Variants in TUBGCP6 observed in about 807,000 individuals in gnomAD.
TUBGCP6 encodes tubulin gamma complex component 6.
TUBGCP6 carries 161 observed loss-of-function variants against 175.8 expected under a neutral mutation model. That is an observed-to-expected ratio of 0.92 (90% confidence interval 0.81 to 1.04). The LOEUF is 1.04. TUBGCP6 is among the 50% of genes least tolerant of loss of function. The pLI, the probability that TUBGCP6 is intolerant of heterozygous loss-of-function variation, is 0.00. For missense variants in TUBGCP6, 2,572 were observed against 2,433.0 expected (o/e 1.06, Z -1.20); for synonymous variants, 1,173 against 1,030.5 (o/e 1.14, Z -2.65).
chr22:50,238,695 G>A (rs1055891763), intron 2 of TUBGCP6, among the ~76,000 whole-genome samples: 2 of 151,748 alleles, frequency 1.3e-5, no homozygotes, highest in South Asian at 4.2e-4. Flanking sequence ...CCGCCACCAC[G>A]CCTGGCTAAT....
chr22:50,225,964 A>G, intron 9 of TUBGCP6, 21 bp from the exon 10 acceptor site: 2 of 1,613,184 alleles, frequency 1.2e-6, no homozygotes, highest in Non-Finnish European at 1.7e-6. Context: ...GGATGCAAGC[A>G]CAGCCACCAG....
At chr22:50,236,424 T>C (rs577346595) in intron 2 of TUBGCP6, among the ~76,000 whole-genome samples, 1 of 152,324 alleles carries the variant, frequency 6.6e-6, no homozygotes, top group Admixed American at 6.5e-5. Flanking sequence ...CGTGAGCCAC[T>C]GCACCTGGCT....
In TUBGCP6 at chr22:50,222,087, C is replaced by T. The variant is rs770840511; in HGVS notation, c.2425G>A (p.Val809Met). 6.2e-7 allele frequency: 1 copy of T among 1,613,770 alleles called. No homozygotes were observed. Among genetic ancestry groups the T allele is most frequent in the Admixed American group, 1.7e-5 (1 of 60,020 alleles). The change falls in exon 15 of 25, where the codon GTG becomes ATG. Residue 809 changes from valine to methionine, a missense_variant. By Grantham distance (21) the Val-to-Met change is conservative. Coordinates refer to ENST00000248846, the MANE Select transcript of TUBGCP6 (RefSeq NM_020461.4). ...TCCTGGGGCTGGTGAGCCTCAGACA[C>T]TGCTTTCAGCATCTCCTGAAATTCA... ...EKHIQEMLKAVSEAHQPQEPP... is the reference protein window; with the variant it reads ...EKHIQEMLKAMSEAHQPQEPP...
At chr22:50,226,894 GT>G (rs2064620195) in intron 6 of TUBGCP6, 52 bp from the exon 7 acceptor site, 3 of 1,536,670 alleles carry the variant, frequency 2.0e-6, no homozygotes, top group Admixed American at 3.9e-5. Flanking sequence ...AGCGCTGGGA[GT>G]GAGGCGCAGC....
intron 13 of TUBGCP6, chr22:50,223,474 G>C (rs1002959438): frequency 6.5e-6 from 1 of 153,544 alleles, no homozygotes; most frequent in African/African-American, 2.4e-5. Context: ...CGCAGATGCT[G>C]TGCTGGACAA....
At chr22:50,238,155 GAGACAGAC>G (rs879569180) in intron 2 of TUBGCP6, among the ~76,000 whole-genome samples, 1 of 149,732 alleles carries the variant, frequency 6.7e-6, no homozygotes, top group Non-Finnish European at 1.5e-5. Context: ...GAGAGAGAGA[GAGACAGAC>G]AGACAGACTT....
At position 50,224,252 on chromosome 22, in the gene TUBGCP6, C is replaced by A. The variant is rs533130736; in HGVS notation, c.2159G>T (p.Arg720Leu). The change falls in exon 13 of 25, where the codon CGC becomes CTC. Residue 720 changes from arginine (R) to leucine (L), a missense_variant. Arg to Leu is a moderately radical substitution (Grantham distance 102). Transcript: ENST00000248846. ...KEQFVKDQER[R>L]QAARQEELDD... ...CAGCTCCTCCTGCCTGGCCGCCTGG[C>A]GTCGCTATAAAACACATAGAGCCTG... The A allele has an allele frequency of 6.2e-7, 1 of 1,614,114 alleles. No homozygotes were observed. The highest frequency in any genetic ancestry group is 1.1e-5 in the South Asian group (1 of 91,080).
At chr22:50,220,180 C>A (rs1461832157) in intron 16 of TUBGCP6, 71 bp downstream of exon 16, 3 of 1,549,200 alleles carry the variant, frequency 1.9e-6, no homozygotes, top group Non-Finnish European at 8.8e-7. Context: ...ACCAACCCCA[C>A]TGCCCGCCTA....
At chr22:50,231,213 G>A (rs77256613) in intron 3 of TUBGCP6, among the ~76,000 whole-genome samples, 3 of 151,990 alleles carry the variant, frequency 2.0e-5, no homozygotes, top group Admixed American at 2.0e-4. Flanking sequence ...AACACTTTGG[G>A]AGGCCAAGGT....
chr22:50,233,572 G>C (rs2064722003), intron 2 of TUBGCP6, 46 bp from the exon 3 acceptor site: 1 of 1,530,190 alleles, frequency 6.5e-7, no homozygotes, highest in Non-Finnish European at 8.9e-7. Context: ...GTGGTGACCT[G>C]CACCTCAGCA....
intron 2 of TUBGCP6, among the ~76,000 whole-genome samples, chr22:50,236,011 T>C (rs1049357007): frequency 6.6e-6 from 1 of 151,914 alleles, no homozygotes; most frequent in Non-Finnish European, 1.5e-5. Context: ...GCAGACTTGC[T>C]GTGCAGCAGT....
intron 2 of TUBGCP6, among the ~76,000 whole-genome samples, chr22:50,238,224 T>C (rs2064799885): frequency 6.6e-6 from 1 of 151,854 alleles, no homozygotes; most frequent in South Asian, 2.1e-4. Context: ...AGGAGTTGCC[T>C]AATTATGGTG....
In TUBGCP6 at chr22:50,220,539, G is replaced by A. The variant is rs200372449; in HGVS notation, c.3820C>T (p.Pro1274Ser). Reference protein sequence around the residue: ...PRWNTHVPIPPPHMVLGALSP... With the variant: ...PRWNTHVPIPSPHMVLGALSP... ...AGAGCCCCCAGCACCATGTGGGGCG[G>A]AGGGATGGGTACATGGGTGTTCCAC... The change falls in exon 16 of 25, where the codon CCG (proline) becomes TCG (serine). Residue 1274 changes from proline (P) to serine (S), a missense_variant. Pro to Ser is a moderately conservative substitution (Grantham distance 74, BLOSUM62 -1). Transcript: ENST00000248846. 12 of 1,613,440 alleles carry A rather than the reference G, an allele frequency of 7.4e-6. No individual in the cohort carries two copies. Among genetic ancestry groups the A allele is most frequent in the Non-Finnish European group, 1.0e-5 (12 of 1,180,018 alleles).
chr22:50,230,693 A>G (rs920782639), intron 3 of TUBGCP6, among the ~76,000 whole-genome samples: 6 of 148,228 alleles, frequency 4.0e-5, no homozygotes, highest in Non-Finnish European at 7.5e-5. Context: ...CAGGAGGATC[A>G]ATTTGAGCCT....
At position 50,229,396 on chromosome 22, in the gene TUBGCP6, G is replaced by A. The variant is rs2147194010; in HGVS notation, c.1290+8C>T. Reference sequence around the variant, plus strand: ...AGGTGTGTGACAACCATGAGGCAAAGGCCATACCTGGAACACGAGGCCCTT... The same window carrying A: ...AGGTGTGTGACAACCATGAGGCAAAAGCCATACCTGGAACACGAGGCCCTT... On this transcript the variant is annotated splice_region_variant and intron_variant, in intron 4 of 24. Transcript: ENST00000248846. The A allele has an allele frequency of 6.2e-7, 1 of 1,612,976 alleles. No individual in the cohort carries two copies. The highest frequency in any genetic ancestry group is 1.7e-4 in the Middle Eastern group (1 of 6,060).
At chr22:50,237,983 GT>G (rs2064796803) in intron 2 of TUBGCP6, among the ~76,000 whole-genome samples, 2 of 152,144 alleles carry the variant, frequency 1.3e-5, no homozygotes, top group South Asian at 4.1e-4. Flanking sequence ...TTAGCCAGGC[GT>G]GGTGTCCCAT....
chr22:50,240,040 T>C, intron 2 of TUBGCP6, 164 bp downstream of exon 2: 3 of 947,926 alleles, frequency 3.2e-6, no homozygotes, highest in South Asian at 1.5e-5. Context: ...TCTGCATCTC[T>C]CTTAACTCCC....
rs1460307004 is a variant in TUBGCP6, at chr22:50,226,367, T to C, written c.1613A>G (p.Asp538Gly). Residue 538 changes from aspartate (D) to glycine (G), a missense_variant, in exon 8 of 25, where the codon GAC (aspartate) becomes GGC (glycine). Transcript: ENST00000248846. The part of the protein sequence containing the change: ...SCEPYTRFIH[D>G]WVYSGVFRDA... ...TCTGAACACCCCGCTGTACACCCAG[T>C]CGTGGATGAACCTGCAGTGGGGGAA... 6.2e-7 allele frequency: 1 copy of C among 1,608,640 alleles called. No individual in the cohort carries two copies. Among genetic ancestry groups the C allele is most frequent in the South Asian group, 1.1e-5 (1 of 90,462 alleles).
At position 50,218,198 on chromosome 22, in the gene TUBGCP6, G is replaced by T; in HGVS notation, c.5159C>A (p.Ala1720Asp). 1 of 1,611,652 alleles carries T rather than the reference G, an allele frequency of 6.2e-7. No homozygotes were observed. Residue 1720 changes from alanine (A) to aspartate (D), a missense_variant, in exon 23 of 25, where the codon GCC (alanine) becomes GAC (aspartate). Ala to Asp is a moderately radical substitution (Grantham distance 126). Coordinates refer to ENST00000248846, the MANE Select transcript of TUBGCP6 (RefSeq NM_020461.4). ...QRAHAEYLHK[A>D]VFRGLLTEKA... ...GCTGCCCAGGCCTCACCTGAAGACG[G>T]CCTTGTGCAGGTACTCTGCGTGCGC...
Sources: allele counts gnomAD v4.1 joint callset (sites outside exome capture counted in the v4.1 genomes callset), GRCh38; gene constraint gnomAD v4.1.1; transcripts MANE v1.5; gene names NCBI Gene and HGNC (gene_info 2026-07-23, HGNC 2026-07-21).